Variants in SMOC2 observed in about 807,000 individuals in gnomAD.
The protein encoded by SMOC2 is SPARC-related modular calcium-binding protein 2.
Under a neutral mutation model 61.4 loss-of-function variants are expected in SMOC2, and 39 were observed. The observed-to-expected ratio is 0.64, with a 90% CI of 0.49 to 0.83. The LOEUF is 0.83. Among genes scored for constraint, SMOC2 ranks in the 40% least tolerant of loss-of-function variants. The pLI is 0.00. For missense variants in SMOC2, 556 were observed against 592.9 expected (o/e 0.94, Z 0.65); for synonymous variants, 247 against 239.9 (o/e 1.03, Z -0.27).
chr6:168,587,773 C>T (rs1785076553), intron 7 of SMOC2, among the ~76,000 whole-genome samples: 1 of 152,158 alleles, frequency 6.6e-6, no homozygotes, highest in Non-Finnish European at 1.5e-5. Flanking sequence ...CTTTGTAGCC[C>T]TCTTATTCAG....
chr6:168,458,923 G>A (rs551080488), intron 1 of SMOC2, among the ~76,000 whole-genome samples: 4 of 152,332 alleles, frequency 2.6e-5, no homozygotes, highest in Non-Finnish European at 4.4e-5. Context: ...GGAAAATAGT[G>A]TAACATGGAA....
intron 1 of SMOC2, among the ~76,000 whole-genome samples, chr6:168,457,746 C>T (rs778947891): frequency 6.6e-6 from 1 of 152,146 alleles, no homozygotes; most frequent in Non-Finnish European, 1.5e-5. Context: ...CCTGACCCTG[C>T]TGAGCAGGAT....
At chr6:168,608,097 A>T in intron 8 of SMOC2, 60 bp from the exon 9 acceptor site, 1 of 1,502,968 alleles carries the variant, frequency 6.7e-7, no homozygotes, top group South Asian at 1.2e-5. Context: ...AAGACAAACC[A>T]CAGCTGGTCT....
intron 6 of SMOC2, among the ~76,000 whole-genome samples, chr6:168,548,032 A>T (rs1013912564): frequency 6.6e-6 from 1 of 152,200 alleles, no homozygotes; most frequent in South Asian, 2.1e-4. Flanking sequence ...GTGTATAAAA[A>T]TTATCAGGTC....
chr6:168,655,587 G>T (rs2298292), intron 11 of SMOC2: 328,642 of 351,334 alleles, frequency 0.94, 154,324 homozygotes, highest in South Asian at 0.96. Context: ...CTAGATACCC[G>T]GCACATGTGT....
At chr6:168,512,758 G>A (rs1783037582) in intron 2 of SMOC2, among the ~76,000 whole-genome samples, 2 of 152,142 alleles carry the variant, frequency 1.3e-5, no homozygotes, top group Admixed American at 1.3e-4. Context: ...ACAGCTCTGG[G>A]GGACTCTGGA....
intron 9 of SMOC2, among the ~76,000 whole-genome samples, chr6:168,619,151 G>A (rs781167506): frequency 4.6e-5 from 7 of 152,198 alleles, no homozygotes; most frequent in South Asian, 2.1e-4. Flanking sequence ...GCTTGTTTTT[G>A]TTTATGGTTT....
rs946732196 is a variant in SMOC2 at position 168,453,936 on chromosome 6, A to T, written c.84+12482A>T. On this transcript the variant is annotated intron_variant, in intron 1 of 12. Coordinates refer to ENST00000356284, the MANE Select transcript of SMOC2 (RefSeq NM_001166412.2). This position sits in a 1 kb window ranked among gnomAD's most constrained non-coding sequence, Gnocchi z 4.4. The stretch of plus-strand genomic sequence containing the variant: ...CCTCTCTCTCTGTCTCTCTGATTCT[A>T]TCTTTGGTCTCTGCCATTCTCCCTC... 6.7e-6 allele frequency among the ~76,000 whole-genome samples: 1 copy of T among 149,202 alleles called. No individual in the cohort carries two copies.
intron 2 of SMOC2, among the ~76,000 whole-genome samples, chr6:168,516,778 C>T (rs913559433): frequency 3.9e-5 from 6 of 152,254 alleles, no homozygotes; most frequent in Middle Eastern, 3.4e-3. Context: ...GAAACCTCGT[C>T]TCTACTAAAA....
intron 7 of SMOC2, among the ~76,000 whole-genome samples, chr6:168,585,088 G>A (rs545994125): frequency 6.6e-6 from 1 of 152,180 alleles, no homozygotes; most frequent in Non-Finnish European, 1.5e-5. Flanking sequence ...CTCCAGAGTA[G>A]CTGGAACTAC....
At position 168,631,588 on chromosome 6, in the gene SMOC2, C is replaced by A. The variant is rs114006835; in HGVS notation, c.908-19093C>A. Among the ~76,000 whole-genome samples the A allele has an allele frequency of 5.9e-3, 899 of 152,308 alleles. 12 individuals are homozygous for A. Among genetic ancestry groups the A allele is most frequent in the African/African-American group, 0.02 (824 of 41,554 alleles). On this transcript the variant is annotated intron_variant, in intron 9 of 12. Coordinates refer to ENST00000356284, the MANE Select transcript of SMOC2 (RefSeq NM_001166412.2). ...AAGGATTGGCAACTAATAAAACTAA[C>A]AGTACGTGCTTGGGAAAAGCTTTTC...
chr6:168,547,178 G>A lies in SMOC2; in HGVS notation c.562+9G>A, dbSNP rs1219634927. ...TCAAGGAGATGAAGAAGGTGAGCCG[G>A]GGTGGGGATTGCACAGTCTGGGTTG... On this transcript the variant is annotated intron_variant, in intron 6 of 12. Coordinates refer to ENST00000356284, the MANE Select transcript of SMOC2 (RefSeq NM_001166412.2). 3 of 1,613,698 alleles carry A rather than the reference G, an allele frequency of 1.9e-6. No homozygotes were observed. The highest frequency in any genetic ancestry group is 2.5e-6 in the Non-Finnish European group (3 of 1,179,828).
rs1263180773 is a variant in SMOC2, at chr6:168,523,081, T to TC, written c.257-3265_257-3264insC. On this transcript the variant is annotated intron_variant, in intron 2 of 12. Transcript: ENST00000356284. The stretch of plus-strand genomic sequence containing the variant: ...ATGTTATTTGTAGTTGTACAGTAAT[T>TC]TTTTTTTTTTTTTTTTTTGAGACGG... 1.5e-3 allele frequency among the ~76,000 whole-genome samples: 106 copies of TC among 72,174 alleles called. 26 individuals are homozygous for TC. Among genetic ancestry groups the TC allele is most frequent in the South Asian group, 1.5e-3 (3 of 2,002 alleles). 47.3% of individuals were successfully genotyped at this position (72,174 alleles called of 152,430 possible). A position where few individuals can be genotyped will look rare whatever the true frequency, so the allele number is the denominator to read the frequency against.
At chr6:168,515,222 A>G (rs949351889) in intron 2 of SMOC2, among the ~76,000 whole-genome samples, 5 of 152,222 alleles carry the variant, frequency 3.3e-5, no homozygotes, top group Admixed American at 2.0e-4. Flanking sequence ...AATGGACCTA[A>G]CCAAAGTAGG....
intron 4 of SMOC2, among the ~76,000 whole-genome samples, chr6:168,536,987 G>A (rs1399578592): frequency 6.6e-6 from 1 of 152,156 alleles, no homozygotes; most frequent in Non-Finnish European, 1.5e-5. Flanking sequence ...GCCAGTGTCA[G>A]GACAAGAGTG....
intron 1 of SMOC2, among the ~76,000 whole-genome samples, chr6:168,471,814 G>A (rs917982887): frequency 6.6e-6 from 1 of 152,144 alleles, no homozygotes; most frequent in Non-Finnish European, 1.5e-5. Context: ...TCATTGGAAG[G>A]TTTTCATTTT....
At chr6:168,665,396 C>T (rs1208684933) in intron 12 of SMOC2, among the ~76,000 whole-genome samples, 1 of 152,266 alleles carries the variant, frequency 6.6e-6, no homozygotes, top group Non-Finnish European at 1.5e-5. Context: ...CGGCTCCTAC[C>T]GGCCGTGGCC....
At chr6:168,543,172 A>G (rs1783911230) in intron 4 of SMOC2, among the ~76,000 whole-genome samples, 1 of 152,240 alleles carries the variant, frequency 6.6e-6, no homozygotes, top group Non-Finnish European at 1.5e-5. Context: ...TACTCTACCA[A>G]AAGGTAGTTC....
chr6:168,509,777 C>T lies in SMOC2; in HGVS notation c.85-138C>T. 3 of 690,278 alleles carry T rather than the reference C, an allele frequency of 4.3e-6. 1 individual carries two copies. The South Asian group carries it at 9.2e-5, about 21-fold the overall frequency. The allele number at this position is 690,278 out of a possible 1,614,324, so 42.8% of individuals were successfully genotyped here. ...TCAGAGGTGCACGTGGCGCTTCTGGCAGGGGTGAGAACCGGGTGGTGTTAT... is the reference window on the plus strand; with the variant it reads ...TCAGAGGTGCACGTGGCGCTTCTGGTAGGGGTGAGAACCGGGTGGTGTTAT... On this transcript the variant is annotated intron_variant, in intron 1 of 12. Coordinates refer to ENST00000356284, the MANE Select transcript of SMOC2 (RefSeq NM_001166412.2).
Sources: allele counts gnomAD v4.1 joint callset (sites outside exome capture counted in the v4.1 genomes callset), GRCh38; gene constraint gnomAD v4.1.1; non-coding constraint Gnocchi (gnomAD v3.1); transcripts MANE v1.5; gene names NCBI Gene and HGNC (gene_info 2026-07-23, HGNC 2026-07-21).